Variants in IFT88 observed in about 807,000 individuals in gnomAD.
IFT88 encodes the protein intraflagellar transport protein 88 homolog.
IFT88 carries 74 observed loss-of-function variants against 119.5 expected under a neutral mutation model. The observed-to-expected ratio is 0.62, with a 90% CI of 0.51 to 0.75. IFT88 has a LOEUF of 0.75. Among genes scored for constraint, IFT88 ranks in the 30% least tolerant of loss-of-function variants. The pLI is 0.00. For synonymous variants in IFT88, 279 were observed against 316.7 expected (o/e 0.88, Z 1.26); for missense variants, 961 against 977.7 (o/e 0.98, Z 0.23).
chr13:20,597,196 T>C, intron 9 of IFT88, 77 bp downstream of exon 9: 13 of 682,090 alleles, frequency 1.9e-5, no homozygotes, highest in Non-Finnish European at 3.1e-5. Flanking sequence ...TTTTTTCTTT[T>C]ATTTTTAAAA....
intron 24 of IFT88, among the ~76,000 whole-genome samples, chr13:20,687,856 A>AAAGAG (rs372120475): frequency 0.26 from 38,896 of 152,134 alleles, 6,502 homozygotes; most frequent in African/African-American, 0.47. Flanking sequence ...TTTAAATCCA[A>AAAGAG]TGTGCAGGAG....
At chr13:20,620,228 T>C (rs1026227483) in intron 14 of IFT88, among the ~76,000 whole-genome samples, 1 of 152,204 alleles carries the variant, frequency 6.6e-6, no homozygotes, top group African/African-American at 2.4e-5. Flanking sequence ...TCTTTTCTTT[T>C]CTGTAGTAGG....
At chr13:20,691,013 T>C in intron 25 of IFT88, 41 bp from the exon 26 acceptor site, 1 of 1,599,192 alleles carries the variant, frequency 6.3e-7, no homozygotes, top group Non-Finnish European at 8.5e-7. Flanking sequence ...TTGTTTTGTT[T>C]GTTTACATAA....
intron 21 of IFT88, among the ~76,000 whole-genome samples, chr13:20,655,163 G>A (rs1248879837): frequency 6.6e-6 from 1 of 152,192 alleles, no homozygotes; most frequent in African/African-American, 2.4e-5. Context: ...GCCGGACACA[G>A]TGGCTCACGC....
At chr13:20,615,935 T>G in intron 14 of IFT88, 56 bp downstream of exon 14, 1 of 947,690 alleles carries the variant, frequency 1.1e-6, no homozygotes, top group Non-Finnish European at 1.5e-6. Context: ...TAATTTATAC[T>G]TTTAAATTTA....
At chr13:20,588,108 C>T (rs371197902) in intron 3 of IFT88, among the ~76,000 whole-genome samples, 10 of 149,562 alleles carry the variant, frequency 6.7e-5, no homozygotes, top group African/African-American at 2.0e-4. Context: ...TGGTAGTTTA[C>T]GTTCTCTGAC....
intron 13 of IFT88, among the ~76,000 whole-genome samples, chr13:20,610,440 A>T (rs2044281189): frequency 6.6e-6 from 1 of 152,150 alleles, no homozygotes; most frequent in South Asian, 2.1e-4. Flanking sequence ...CTAGGGAATG[A>T]CAGGAAACGG....
At chr13:20,666,130 A>G (rs2054635825) in intron 23 of IFT88, among the ~76,000 whole-genome samples, 1 of 152,262 alleles carries the variant, frequency 6.6e-6, no homozygotes, top group Admixed American at 6.5e-5. Context: ...GGTGGACAGA[A>G]CCCCGTACTT....
In IFT88 at chr13:20,591,606, T is replaced by G. The variant is rs1167125848; in HGVS notation, c.265-12T>G. On this transcript the variant is annotated splice_polypyrimidine_tract_variant and intron_variant, in intron 5 of 25. Coordinates refer to ENST00000351808, the MANE Select transcript of IFT88 (RefSeq NM_006531.5). ...CTTATTTAAGAATAAATGATTCCCA[T>G]TCTCTTTAAAGGATGGAGTTACTAG... is the stretch of plus-strand genomic sequence containing the variant. The G allele has an allele frequency of 6.2e-7, 1 of 1,603,844 alleles. No individual in the cohort carries two copies.
chr13:20,639,904 G>A (rs1339266953), intron 17 of IFT88, among the ~76,000 whole-genome samples: 1 of 147,528 alleles, frequency 6.8e-6, no homozygotes, highest in South Asian at 2.2e-4. Flanking sequence ...TTCTCCTGCC[G>A]TAGCCTTCCA....
At chr13:20,595,196 C>T (rs985904688) in intron 7 of IFT88, among the ~76,000 whole-genome samples, 1 of 152,144 alleles carries the variant, frequency 6.6e-6, no homozygotes, top group Admixed American at 6.5e-5. Context: ...CCCAAGAGTT[C>T]AAGCCGTAGT....
chr13:20,632,479 C>G (rs980191744), intron 16 of IFT88, among the ~76,000 whole-genome samples: 1 of 152,196 alleles, frequency 6.6e-6, no homozygotes, highest in Non-Finnish European at 1.5e-5. Context: ...TAGCCACTAA[C>G]TCGAATTTCC....
intron 13 of IFT88, among the ~76,000 whole-genome samples, chr13:20,613,742 G>C (rs2045067862): frequency 6.6e-6 from 1 of 152,040 alleles, no homozygotes; most frequent in Non-Finnish European, 1.5e-5. Flanking sequence ...ATGTGATTCA[G>C]CCATACAAAG....
In IFT88 at chr13:20,601,941, T is replaced by TG; in HGVS notation, c.1041+9dup. On this transcript the variant is annotated intron_variant, in intron 12 of 25. Coordinates refer to ENST00000351808, the MANE Select transcript of IFT88 (RefSeq NM_006531.5). ...AAATATATTTCACCAAGTGTGAGTA[T>TG]GAAAAAGACATTTCTGTAGCCACTT... The TG allele has an allele frequency of 6.8e-7, 1 of 1,461,286 alleles. No individual in the cohort carries two copies. Among genetic ancestry groups the TG allele is most frequent in the Non-Finnish European group, 9.6e-7 (1 of 1,044,624 alleles). 90.5% of individuals were successfully genotyped at this position (1,461,286 alleles called of 1,614,324 possible).
At chr13:20,620,865 A>T (rs141607559) in intron 14 of IFT88, among the ~76,000 whole-genome samples, 1 of 152,156 alleles carries the variant, frequency 6.6e-6, no homozygotes, top group Non-Finnish European at 1.5e-5. Flanking sequence ...GTGCCCTTAT[A>T]AAAAGAGACT....
intron 22 of IFT88, among the ~76,000 whole-genome samples, chr13:20,660,647 G>A (rs1165087333): frequency 1.3e-5 from 2 of 152,180 alleles, no homozygotes; most frequent in African/African-American, 2.4e-5. Context: ...AGGTATCAGT[G>A]CCAGCACTTG....
intron 13 of IFT88, among the ~76,000 whole-genome samples, chr13:20,614,901 C>T (rs961647894): frequency 5.3e-5 from 8 of 151,302 alleles, no homozygotes; most frequent in Non-Finnish European, 1.2e-4. Context: ...CCGCAAGCTC[C>T]GCATCCCAGG....
chr13:20,581,791 T>C (rs1421461239), intron 2 of IFT88, among the ~76,000 whole-genome samples: 5 of 149,896 alleles, frequency 3.3e-5, no homozygotes, highest in Admixed American at 2.0e-4. Context: ...AAGTTGAGGC[T>C]GCGGTGAGCT....
chr13:20,685,471 G>A (rs1399819460), intron 24 of IFT88, among the ~76,000 whole-genome samples: 2 of 152,236 alleles, frequency 1.3e-5, no homozygotes, highest in African/African-American at 2.4e-5. Context: ...AGGGTAGCAA[G>A]GATGAGATGA....
Sources: gnomAD v4.1 joint callset for allele counts (sites outside exome capture counted in the v4.1 genomes callset) on GRCh38, gnomAD v4.1.1 for gene constraint, MANE v1.5 for transcripts, NCBI Gene and HGNC (gene_info 2026-07-23, HGNC 2026-07-21) for gene names.